Variants in GPC5 observed in about 807,000 individuals in gnomAD.
GPC5 encodes glypican 5, also known as glypican-5.
A neutral mutation model predicts 53.9 loss-of-function variants in GPC5; 47 were observed. The observed-to-expected ratio is 0.87, with a 90% confidence interval of 0.69 to 1.11. The LOEUF (loss-of-function observed/expected upper bound fraction) is 1.11. GPC5 is among the 50% of genes most tolerant of loss of function. The pLI is 0.00. For synonymous variants in GPC5, 286 were observed against 263.3 expected (o/e 1.09, Z -0.84); for missense variants, 748 against 713.1 (o/e 1.05, Z -0.56).
chr13:91,871,331 A>G (rs1004547966), intron 5 of GPC5, among the ~76,000 whole-genome samples: 1 of 152,132 alleles, frequency 6.6e-6, no homozygotes, highest in Non-Finnish European at 1.5e-5. Flanking sequence ...CAAAGAAGGA[A>G]ACAGACACCG....
intron 1 of GPC5, among the ~76,000 whole-genome samples, chr13:91,400,252 C>T (rs1490744718): frequency 2.0e-5 from 3 of 152,178 alleles, no homozygotes; most frequent in Admixed American, 6.5e-5. Context: ...GGTTGGGGGA[C>T]TTGCTTGTAG....
chr13:92,750,545 A>G (rs934527853), intron 7 of GPC5, among the ~76,000 whole-genome samples: 3 of 152,168 alleles, frequency 2.0e-5, no homozygotes, highest in Non-Finnish European at 4.4e-5. Context: ...ATGTGCAGCT[A>G]TCAACTTCTA....
rs140964244 is a variant in GPC5, at chr13:91,707,443, C to T, written c.1020+13562C>T. Among the ~76,000 whole-genome samples, 127 of 151,992 alleles carry T rather than the reference C, an allele frequency of 8.4e-4. 5 individuals are homozygous for T. The East Asian group carries it at 0.017, about 21-fold the overall frequency. On this transcript the variant is annotated intron_variant, in intron 3 of 7. Coordinates refer to ENST00000377067, the MANE Select transcript of GPC5 (RefSeq NM_004466.6). ...GTCAAGACCAGCCTGAGCAACATAG[C>T]GAGACACCATCTCTACAAAAAAAAT...
chr13:91,471,234 G>A (rs1415088590), intron 2 of GPC5, among the ~76,000 whole-genome samples: 1 of 151,956 alleles, frequency 6.6e-6, no homozygotes, highest in Non-Finnish European at 1.5e-5. Context: ...AAACATTCCT[G>A]CTGTATGTTT....
At chr13:92,020,143 C>T in intron 6 of GPC5, among the ~76,000 whole-genome samples, 1 of 152,036 alleles carries the variant, frequency 6.6e-6, no homozygotes, top group African/African-American at 2.4e-5. Flanking sequence ...CTTTCATAGT[C>T]CTATTTCTTT....
intron 7 of GPC5, among the ~76,000 whole-genome samples, chr13:92,534,754 CAAATT>C (rs1197341333): frequency 1.3e-5 from 2 of 151,934 alleles, no homozygotes; most frequent in Admixed American, 1.3e-4. Flanking sequence ...GAAATGGTAT[CAAATT>C]AAATTTTTAA....
At chr13:91,892,966 T>C (rs2039403535) in intron 5 of GPC5, among the ~76,000 whole-genome samples, 1 of 152,008 alleles carries the variant, frequency 6.6e-6, no homozygotes, top group African/African-American at 2.4e-5. Context: ...AAATGAGTCA[T>C]CATTTGAAGT....
At chr13:92,706,691 C>T (rs1215314939) in intron 7 of GPC5, among the ~76,000 whole-genome samples, 1 of 152,120 alleles carries the variant, frequency 6.6e-6, no homozygotes, top group African/African-American at 2.4e-5. Flanking sequence ...ATGGAACACT[C>T]TAATATTTTC....
chr13:92,073,263 C>G (rs1218212076), intron 6 of GPC5, among the ~76,000 whole-genome samples: 1 of 152,184 alleles, frequency 6.6e-6, no homozygotes, highest in East Asian at 1.9e-4. Context: ...TTATTCATAA[C>G]TATAGAAAGA....
At chr13:91,846,735 A>T (rs1223000700) in intron 5 of GPC5, among the ~76,000 whole-genome samples, 1 of 152,144 alleles carries the variant, frequency 6.6e-6, no homozygotes, top group East Asian at 1.9e-4. Flanking sequence ...ATTTTCTTTC[A>T]TCAGATTGGC....
chr13:92,207,928 C>T (rs1365699472), intron 7 of GPC5, among the ~76,000 whole-genome samples: 1 of 152,176 alleles, frequency 6.6e-6, no homozygotes, highest in Non-Finnish European at 1.5e-5. Flanking sequence ...ATTTGTAGCT[C>T]CCAAGGGCTA....
At chr13:92,729,856 A>G (rs1429129437) in intron 7 of GPC5, among the ~76,000 whole-genome samples, 1 of 151,296 alleles carries the variant, frequency 6.6e-6, no homozygotes, top group Non-Finnish European at 1.5e-5. Flanking sequence ...ATGACTTCAA[A>G]TTGAATTATT....
rs745714896 is a variant in GPC5, at chr13:92,144,946, A to T, written c.1518A>T (p.Gly506=). The T allele has an allele frequency of 6.3e-7, 1 of 1,578,286 alleles. No homozygotes were observed. The highest frequency in any genetic ancestry group is 8.6e-7 in the Non-Finnish European group (1 of 1,165,508). Residue 506 remains glycine (G), a synonymous_variant, in exon 7 of 8, where the codon GGA becomes GGT. Coordinates refer to ENST00000377067, the MANE Select transcript of GPC5 (RefSeq NM_004466.6). ...GDCDDEDGCG[G]SGSGEVKRTL... Reference sequence around the variant, plus strand: ...GTGATGATGAAGATGGTTGCGGGGGATCAGGAAGTGGAGAAGTCAAGAGGA... The same window carrying T: ...GTGATGATGAAGATGGTTGCGGGGGTTCAGGAAGTGGAGAAGTCAAGAGGA...
intron 6 of GPC5, among the ~76,000 whole-genome samples, chr13:91,957,088 A>G (rs527560431): frequency 1.2e-4 from 19 of 152,272 alleles, no homozygotes; most frequent in African/African-American, 1.9e-4. Context: ...CAGAAAAACA[A>G]TTGAGGATAT....
chr13:91,426,854 A>C (rs1470681807), intron 1 of GPC5, among the ~76,000 whole-genome samples: 1 of 152,204 alleles, frequency 6.6e-6, no homozygotes, highest in African/African-American at 2.4e-5. Flanking sequence ...AGACACCTCC[A>C]GGAACAATAT....
chr13:91,997,863 C>T (rs760968500), intron 6 of GPC5, among the ~76,000 whole-genome samples: 9 of 152,236 alleles, frequency 5.9e-5, no homozygotes, highest in Non-Finnish European at 1.3e-4. Context: ...TTTGAATTTG[C>T]TCAAATGTAG....
intron 7 of GPC5, among the ~76,000 whole-genome samples, chr13:92,786,199 T>C (rs1876226632): frequency 6.6e-6 from 1 of 152,148 alleles, no homozygotes; most frequent in South Asian, 2.1e-4. Flanking sequence ...AATCCAGTAG[T>C]AGAAATAAAT....
chr13:91,872,982 C>A (rs1237452602), intron 5 of GPC5, among the ~76,000 whole-genome samples: 2 of 152,014 alleles, frequency 1.3e-5, no homozygotes, highest in African/African-American at 4.8e-5. Flanking sequence ...ATTAATCCAC[C>A]ATCTCTGTAT....
intron 7 of GPC5, among the ~76,000 whole-genome samples, chr13:92,322,634 T>C (rs1274135646): frequency 2.6e-5 from 4 of 152,172 alleles, no homozygotes; most frequent in Admixed American, 1.3e-4. Context: ...TAAATACTTA[T>C]AAATTTATTA....
Sources: gnomAD v4.1 joint callset for allele counts (sites outside exome capture counted in the v4.1 genomes callset) on GRCh38, gnomAD v4.1.1 for gene constraint, MANE v1.5 for transcripts, NCBI Gene and HGNC (gene_info 2026-07-23, HGNC 2026-07-21) for gene names.